The following ATP13A3 variants were observed in gnomAD, a reference collection of about 807,000 sequenced individuals.
The protein encoded by ATP13A3 is polyamine-transporting ATPase 13A3.
A neutral mutation model predicts 158.1 loss-of-function variants in ATP13A3; 59 were observed. The ratio of observed to expected loss-of-function variants is 0.37; its 90% CI spans 0.30 to 0.46. The LOEUF (loss-of-function observed/expected upper bound fraction) is 0.46. ATP13A3 is among the 20% of genes least tolerant of loss of function. The pLI, the probability that ATP13A3 is intolerant of heterozygous loss-of-function variation, is 1.00. For missense variants in ATP13A3, 1,166 were observed against 1,525.2 expected (o/e 0.76, Z 3.92); for synonymous variants, 491 against 504.3 (o/e 0.97, Z 0.35).
At chr3:194,434,070 G>C (rs1717445742) in intron 20 of ATP13A3, among the ~76,000 whole-genome samples, 174 bp from the exon 21 acceptor site, 1 of 152,190 alleles carries the variant, frequency 6.6e-6, no homozygotes, top group African/African-American at 2.4e-5. Context: ...GTGTTCAAGA[G>C]TTCAGTATCT....
intron 2 of ATP13A3, among the ~76,000 whole-genome samples, chr3:194,463,260 A>AATTC (rs1468297668): frequency 6.6e-6 from 1 of 151,498 alleles, no homozygotes; most frequent in Non-Finnish European, 1.5e-5. Context: ...CCAGGGAAAA[A>AATTC]ATTCATTGAG....
chr3:194,439,009 C>T (rs1183788302), intron 16 of ATP13A3, 37 bp from the exon 17 acceptor site: 1 of 1,382,364 alleles, frequency 7.2e-7, no homozygotes, highest in South Asian at 1.3e-5. Context: ...AACAAAAACA[C>T]AACATTCAAG....
intron 2 of ATP13A3, among the ~76,000 whole-genome samples, chr3:194,475,729 A>G (rs1472564800): frequency 1.3e-5 from 2 of 152,104 alleles, no homozygotes; most frequent in Non-Finnish European, 2.9e-5. Flanking sequence ...ATACACACAC[A>G]CACGCACACA....
intron 15 of ATP13A3, among the ~76,000 whole-genome samples, chr3:194,442,459 A>T (rs1026886936): frequency 5.9e-5 from 9 of 152,286 alleles, no homozygotes; most frequent in African/African-American, 2.2e-4. Context: ...ATAAAAAAAT[A>T]AAGAATCCCG....
chr3:194,405,772 A>G lies in ATP13A3; in HGVS notation c.*147T>C, dbSNP rs776893419. 2.7e-5 allele frequency: 21 copies of G among 781,786 alleles called. No homozygotes were observed. The highest frequency in any genetic ancestry group is 3.6e-5 in the Non-Finnish European group (18 of 494,148). 48.4% of individuals were successfully genotyped at this position (781,786 alleles called of 1,614,324 possible). On this transcript the variant is annotated 3_prime_UTR_variant, in exon 34 of 34. Coordinates refer to ENST00000645319, the MANE Select transcript of ATP13A3 (RefSeq NM_001367549.1). The stretch of plus-strand genomic sequence containing the variant: ...CGATATATTTTTCTGTTTTTATTTT[A>G]AGGAAGAGCAAAGCTGTCAAATAAG...
intron 19 of ATP13A3, 35 bp downstream of exon 19, chr3:194,437,276 C>G (rs1393669667): frequency 6.2e-7 from 1 of 1,613,842 alleles, no homozygotes; most frequent in Non-Finnish European, 8.5e-7. Context: ...TACTCAAATA[C>G]CAGAATTGTA....
intron 31 of ATP13A3, among the ~76,000 whole-genome samples, chr3:194,416,154 T>C (rs1052212743): frequency 1.3e-5 from 2 of 152,192 alleles, no homozygotes; most frequent in African/African-American, 4.8e-5. Context: ...ACCATTTCAA[T>C]AGCTGCAGAA....
In ATP13A3 at chr3:194,406,151, C is replaced by T. The variant is rs763816564; in HGVS notation, c.3574-35G>A. The T allele has an allele frequency of 1.1e-5, 17 of 1,602,774 alleles. No homozygotes were observed. The South Asian group carries it at 1.4e-4, about 14-fold the overall frequency. On this transcript the variant is annotated intron_variant, in intron 33 of 33. Transcript: ENST00000645319. ...TAAGAAAAAAACAAAACAAAACACCCCAGTTGATTAAAGGCTTGTCGTTTT... is the reference window on the plus strand; with the variant it reads ...TAAGAAAAAAACAAAACAAAACACCTCAGTTGATTAAAGGCTTGTCGTTTT...
At chr3:194,414,126 T>G (rs1164510685) in intron 31 of ATP13A3, among the ~76,000 whole-genome samples, 1 of 152,006 alleles carries the variant, frequency 6.6e-6, no homozygotes, top group Non-Finnish European at 1.5e-5. Context: ...AGATCATGAA[T>G]GTCTAACAGT....
chr3:194,467,749 G>A (rs1391300716), intron 2 of ATP13A3: 1 of 151,316 alleles, frequency 6.6e-6, no homozygotes, highest in Non-Finnish European at 1.5e-5. Flanking sequence ...CAATGACTGA[G>A]AGGATAAAAA....
At chr3:194,440,122 A>G (rs6804082) in intron 16 of ATP13A3, among the ~76,000 whole-genome samples, 8,390 of 152,214 alleles carry the variant, frequency 0.055, 775 homozygotes, top group African/African-American at 0.19. Context: ...AAATGTAAAC[A>G]GAAAACAAAC....
intron 20 of ATP13A3, 39 bp downstream of exon 20, chr3:194,437,053 AATG>A: frequency 6.3e-7 from 1 of 1,594,164 alleles, no homozygotes. Context: ...TATAACCATA[AATG>A]ATGATGACTG....
intron 2 of ATP13A3, among the ~76,000 whole-genome samples, chr3:194,475,347 C>A (rs927469731): frequency 2.0e-5 from 3 of 152,200 alleles, no homozygotes; most frequent in Non-Finnish European, 4.4e-5. Flanking sequence ...TTTCACTCTT[C>A]CAGATTCTGA....
In ATP13A3 at chr3:194,471,186, G is replaced by T. The variant is rs186855688; in HGVS notation, c.-46-8950C>A. Among the ~76,000 whole-genome samples, 6 of 151,954 alleles carry T rather than the reference G, an allele frequency of 3.9e-5. No homozygotes were observed. In the East Asian group the frequency reaches 1.2e-3, roughly 29 times the overall value. On this transcript the variant is annotated intron_variant, in intron 2 of 33. Coordinates refer to ENST00000645319, the MANE Select transcript of ATP13A3 (RefSeq NM_001367549.1). ...TTCTCTTTGCCTGCATCTTACCCCAGGCAAGAGAAAGTTGTCATTCTGAAA... is the reference window on the plus strand; with the variant it reads ...TTCTCTTTGCCTGCATCTTACCCCATGCAAGAGAAAGTTGTCATTCTGAAA...
At chr3:194,467,635 T>TCAACTCCAATGCGA (rs1416053330) in intron 2 of ATP13A3, among the ~76,000 whole-genome samples, 1 of 152,200 alleles carries the variant, frequency 6.6e-6, no homozygotes, top group Non-Finnish European at 1.5e-5. Context: ...AAACTTTTAG[T>TCAACTCCAATGCGA]CAACTCCAAT....
chr3:194,456,560 T>C (rs1277436616), intron 7 of ATP13A3, among the ~76,000 whole-genome samples: 6 of 152,102 alleles, frequency 3.9e-5, no homozygotes, highest in Admixed American at 6.5e-5. Context: ...AAATTTCTTA[T>C]TGAATTTCAA....
chr3:194,406,069 G>GC lies in ATP13A3; in HGVS notation c.3620dup (p.Cys1208LeufsTer2). 6.2e-7 allele frequency: 1 copy of GC among 1,614,152 alleles called. No homozygotes were observed. ...TTGCCTTTGGTGTCTTCTTTCTACA[G>GC]CCCAGGGCCCAGGGTAAGCAGCATT... On this transcript the variant is annotated frameshift_variant, in exon 34 of 34. Coordinates refer to ENST00000645319, the MANE Select transcript of ATP13A3 (RefSeq NM_001367549.1). LOFTEE classifies it high-confidence loss of function.
In ATP13A3 at chr3:194,494,077, A is replaced by G. The variant is rs1241992576; in HGVS notation, n.719T>C. 2 of 398,318 alleles carry G rather than the reference A, an allele frequency of 5.0e-6. No homozygotes were observed. Among genetic ancestry groups the G allele is most frequent in the African/African-American group, 2.1e-5 (1 of 48,596 alleles). 24.7% of individuals were successfully genotyped at this position (398,318 alleles called of 1,614,324 possible). ...GAAAGCACAGCCAGGATTCAAACCC[A>G]GACACTTTGCTCCAGGGCCAAACTC... is the stretch of plus-strand genomic sequence containing the variant. On this transcript the variant is annotated non_coding_transcript_exon_variant, in exon 2 of 33. Coordinates refer to the ATP13A3 transcript ENST00000687055. This position sits in a 1 kb window ranked among gnomAD's most constrained non-coding sequence, Gnocchi z 4.2.
chr3:194,436,987 T>A, intron 20 of ATP13A3, 108 bp downstream of exon 20: 4 of 1,304,454 alleles, frequency 3.1e-6, no homozygotes, highest in South Asian at 2.8e-5. Context: ...ATATTAGATA[T>A]CTTTTCATAC....
Sources: allele counts gnomAD v4.1 joint callset (sites outside exome capture counted in the v4.1 genomes callset), GRCh38; gene constraint gnomAD v4.1.1; non-coding constraint Gnocchi (gnomAD v3.1); transcripts MANE v1.5; gene names NCBI Gene and HGNC (gene_info 2026-07-23, HGNC 2026-07-21).